The following TTLL10 variants were observed in gnomAD, a reference collection of about 807,000 sequenced individuals.
The protein encoded by TTLL10 is tubulin tyrosine ligase like 10.
TTLL10 carries 61 observed loss-of-function variants against 69.0 expected under a neutral mutation model. That is an observed-to-expected ratio of 0.88 (90% CI 0.72 to 1.09). The LOEUF (loss-of-function observed/expected upper bound fraction) is 1.09. TTLL10 is among the 50% of genes least tolerant of loss of function. The pLI is 0.00. For missense variants in TTLL10, 962 were observed against 945.9 expected, an observed-to-expected ratio of 1.02 and a Z score of -0.22; for synonymous variants, 408 against 393.3, an observed-to-expected ratio of 1.04 and a Z score of -0.44.
chr1:1,196,376 G>C (rs142225534), intron 13 of TTLL10: 5 of 535,876 alleles, frequency 9.3e-6, no homozygotes, highest in African/African-American at 3.8e-5. Context: ...CCTCACTCTC[G>C]TATCTCCAGT....
At chr1:1,193,342 A>C (rs1314456470) in intron 13 of TTLL10, among the ~76,000 whole-genome samples, 3 of 152,120 alleles carry the variant, frequency 2.0e-5, no homozygotes, top group Non-Finnish European at 4.4e-5. Context: ...AATAATAATA[A>C]TAATTACTGA....
chr1:1,182,905 G>T lies in TTLL10; in HGVS notation c.946G>T (p.Ala316Ser). Reference protein sequence around the residue: ...ETQIWICKPTASNQGKGIFLL... With the variant: ...ETQIWICKPTSSNQGKGIFLL... Reference sequence around the variant, plus strand: ...CCAGATATGGATCTGCAAGCCCACAGCCTCCAACCAGGGCAAAGGCATCTT... The same window carrying T: ...CCAGATATGGATCTGCAAGCCCACATCCTCCAACCAGGGCAAAGGCATCTT... The change falls in exon 11 of 16, where the codon GCC becomes TCC. Residue 316 changes from alanine (A) to serine (S), a missense_variant. Ala to Ser is a moderately conservative substitution (Grantham distance 99, BLOSUM62 1). Transcript: ENST00000379289. The T allele has an allele frequency of 6.3e-7, 1 of 1,593,620 alleles. No homozygotes were observed. The highest frequency in any genetic ancestry group is 1.7e-5 in the Admixed American group (1 of 57,674).
chr1:1,176,372 G>T, intron 3 of TTLL10: 1 of 455,658 alleles, frequency 2.2e-6, no homozygotes, highest in African/African-American at 2.0e-5. Context: ...GCTGGAGAGA[G>T]GCTGACGCTG....
rs752475115 is a variant in TTLL10 at position 1,180,037 on chromosome 1, C to T, written c.203C>T (p.Pro68Leu). 8.5e-6 allele frequency: 13 copies of T among 1,537,570 alleles called. No homozygotes were observed. The highest frequency in any genetic ancestry group is 4.6e-5 in the East Asian group (2 of 43,832). Residue 68 changes from proline (P) to leucine (L), a missense_variant, in exon 6 of 16, where the codon CCG (proline) becomes CTG (leucine). Physicochemically the swap from Pro to Leu is moderately conservative, Grantham distance 98 (BLOSUM62 -3). Transcript: ENST00000379289. ...CPAPGHCPVG[P>L]AHERPMGSSQ... ...TGGGACCCCACCCCGTTCACAGGCC[C>T]GGCCCACGAGAGGCCAATGGGGAGC...
At position 1,185,080 on chromosome 1, in the gene TTLL10, G is replaced by A. The variant is rs771759311; in HGVS notation, c.1372G>A (p.Ala458Thr). Residue 458 changes from alanine to threonine, a missense_variant, in exon 13 of 16, where the codon GCC becomes ACC. Ala to Thr is a moderately conservative substitution (Grantham distance 58). Transcript: ENST00000379289. The surrounding 1 kb of genome is among the most constrained non-coding windows in gnomAD (Gnocchi z 6.1). ...CACGTTCTGGAAGGCCCGGGGCCTC[G>A]CCAAGGACTGGGTCTTCACCACCCT... is the stretch of plus-strand genomic sequence containing the variant. ...SDTFWKARGL[A>T]KDWVFTTLKK... is the part of the protein sequence containing the mutation. 5.1e-5 allele frequency: 82 copies of A among 1,613,814 alleles called. No individual in the cohort carries two copies. The highest frequency in any genetic ancestry group is 8.3e-5 in the Admixed American group (5 of 59,970).
At chr1:1,184,195 G>A (rs879089675) in intron 12 of TTLL10, 104 bp downstream of exon 12, 1 of 1,513,622 alleles carries the variant, frequency 6.6e-7, no homozygotes, top group East Asian at 2.3e-5. Context: ...ACAGAAGGAG[G>A]TGGCCCAGGC....
chr1:1,183,823 G>T, intron 11 of TTLL10, 97 bp from the exon 12 acceptor site: 1 of 1,489,130 alleles, frequency 6.7e-7, no homozygotes, highest in Non-Finnish European at 9.2e-7. Context: ...GAGGCGGGGC[G>T]CTGAGGAAAT....
Position 1,197,094 on chromosome 1 carries a change from T to C in TTLL10, c.1520T>C (p.Val507Ala), listed in dbSNP as rs1391680682. Reference protein sequence around the residue: ...CDFLIDDNFKVWLLEMNSNPA... With the variant: ...CDFLIDDNFKAWLLEMNSNPA... ...GGGACTGACTGGCGTCTGGGGCAGG[T>C]ATGGCTGCTGGAGATGAATTCTAAC... is the stretch of plus-strand genomic sequence containing the variant. The change falls in exon 15 of 16, where the codon GTA (valine) becomes GCA (alanine). Residue 507 changes from valine (V) to alanine (A), a missense_variant and splice_region_variant. Val to Ala is a moderately conservative substitution (Grantham distance 64). Coordinates refer to ENST00000379289, the MANE Select transcript of TTLL10 (RefSeq NM_001130045.2). 5 of 1,550,970 alleles carry C rather than the reference T, an allele frequency of 3.2e-6. No homozygotes were observed. The highest frequency in any genetic ancestry group is 4.4e-6 in the Non-Finnish European group (5 of 1,146,746).
At chr1:1,177,215 T>C (rs1489633490) in intron 3 of TTLL10, among the ~76,000 whole-genome samples, 1 of 151,874 alleles carries the variant, frequency 6.6e-6, no homozygotes, top group African/African-American at 2.4e-5. Context: ...TCTGTGTGTG[T>C]AGGTGTGTCT....
At position 1,184,687 on chromosome 1, in the gene TTLL10, G is replaced by A. The variant is rs368352813; in HGVS notation, c.1261-282G>A. ...TAGGTTAGGGGGATGTTCTCTTGGGGACCCCCGTGAGGACAGGCCCTCCGG... is the reference window on the plus strand; with the variant it reads ...TAGGTTAGGGGGATGTTCTCTTGGGAACCCCCGTGAGGACAGGCCCTCCGG... On this transcript the variant is annotated intron_variant, in intron 12 of 15. Transcript: ENST00000379289. 8.6e-4 allele frequency among the ~76,000 whole-genome samples: 131 copies of A among 151,974 alleles called. No homozygotes were observed. In the South Asian group the frequency reaches 0.017, roughly 20 times the overall value.
In TTLL10 at chr1:1,179,679, G is replaced by A. The variant is rs944380375; in HGVS notation, c.141G>A (p.Leu47=). Residue 47 remains leucine (L), a synonymous_variant, in exon 5 of 16, where the codon CTG becomes CTA. Transcript: ENST00000379289. ...RVSGTIPASR[L]HPAPASQPGP... The stretch of plus-strand genomic sequence containing the variant: ...CAGGGACCATCCCTGCGTCACGTCT[G>A]CACCCAGCACCGGCCTCACAGCCCG... 2.6e-6 allele frequency: 4 copies of A among 1,550,976 alleles called. No individual in the cohort carries two copies. The South Asian group carries it at 3.6e-5, about 14-fold the overall frequency.
intron 4 of TTLL10, 91 bp downstream of exon 4, chr1:1,179,424 C>T (rs755176679): frequency 1.9e-5 from 26 of 1,346,486 alleles, no homozygotes; most frequent in Non-Finnish European, 2.5e-5. Flanking sequence ...GTCAGTCGGC[C>T]TCATGGGGCA....
intron 11 of TTLL10, among the ~76,000 whole-genome samples, chr1:1,183,500 A>C (rs911678743): frequency 1.3e-4 from 19 of 151,834 alleles, no homozygotes; most frequent in African/African-American, 4.4e-4. Flanking sequence ...GTAGAGCCTC[A>C]CTCTGACCAC....
rs149384043 is a variant in TTLL10, at chr1:1,178,774, C to G, written c.-27-415C>G. Among the ~76,000 whole-genome samples, 484 of 152,260 alleles carry G rather than the reference C, an allele frequency of 3.2e-3. 2 individuals are homozygous for G. The highest frequency in any genetic ancestry group is 0.011 in the African/African-American group (470 of 41,558). On this transcript the variant is annotated intron_variant, in intron 3 of 15. Transcript: ENST00000379289. ...ATGGCAGGTACCAGGCGGCTGCACA[C>G]AGCCCACAGCTGGGCTCCGGGGTCA... is the stretch of plus-strand genomic sequence containing the variant.
intron 13 of TTLL10, among the ~76,000 whole-genome samples, chr1:1,195,376 T>G (rs1432702586): frequency 6.6e-6 from 1 of 152,176 alleles, no homozygotes; most frequent in East Asian, 1.9e-4. Flanking sequence ...GCACTTCTAG[T>G]GCATGTTTTA....
rs531641529 is a variant in TTLL10 at position 1,196,734 on chromosome 1, G to A, written c.1518+18G>A. ...ACTTCAAGGTGCTGTCCTGGGCGGC[G>A]GGGGGCACAGTAGACAGATGCAAGG... On this transcript the variant is annotated intron_variant, in intron 14 of 15. Coordinates refer to ENST00000379289, the MANE Select transcript of TTLL10 (RefSeq NM_001130045.2). The A allele has an allele frequency of 1.2e-5, 18 of 1,499,286 alleles. No homozygotes were observed. The highest frequency in any genetic ancestry group is 4.9e-5 in the East Asian group (2 of 40,666). The allele number at this position is 1,499,286 out of a possible 1,614,324, so 92.9% of individuals were successfully genotyped here. A position where few individuals can be genotyped will look rare whatever the true frequency, so the allele number is the denominator to read the frequency against.
rs1291725575 is a variant in TTLL10, at chr1:1,179,243, C to T, written c.28C>T (p.His10Tyr). The change falls in exon 4 of 16, where the codon CAC (histidine) becomes TAC (tyrosine). Residue 10 changes from histidine (H) to tyrosine (Y), a missense_variant. Physicochemically the swap from His to Tyr is moderately conservative, Grantham distance 83. Transcript: ENST00000379289. MDHSCTRFI[H>Y]RRGPPTRTRA... Reference sequence around the variant, plus strand: ...GGACCACAGCTGCACCCGGTTCATCCACCGCCGGGGACCACCCACTCGGAC... The same window carrying T: ...GGACCACAGCTGCACCCGGTTCATCTACCGCCGGGGACCACCCACTCGGAC... 4.5e-6 allele frequency: 7 copies of T among 1,549,464 alleles called. No homozygotes were observed. In the South Asian group the frequency reaches 8.4e-5, roughly 18 times the overall value.
Position 1,197,481 on chromosome 1 carries a change from G to A in TTLL10, c.1656G>A (p.Lys552=). The A allele has an allele frequency of 1.3e-6, 2 of 1,545,818 alleles. No homozygotes were observed. Among genetic ancestry groups the A allele is most frequent in the African/African-American group, 1.4e-5 (1 of 72,874 alleles). ...TCCGGAAGAGCCTGCGCGGCCAGAA[G>A]ATGTTGCCTCTGCTGTCCCAGCGCC... is the stretch of plus-strand genomic sequence containing the variant. ...ETFRKSLRGQ[K]MLPLLSQRRF... is the part of the protein sequence containing the mutation. The change falls in exon 16 of 16, where the codon AAG becomes AAA. Residue 552 remains lysine, a synonymous_variant. Coordinates refer to ENST00000379289, the MANE Select transcript of TTLL10 (RefSeq NM_001130045.2).
Position 1,182,403 on chromosome 1 carries a change from G to A in TTLL10, c.873G>A (p.Leu291=). Reference sequence around the variant, plus strand: ...AGTTTTTCCCAGAGACCTACCGCCTGGACCTCAAACACGAGAGAGAGGCCT... The same window carrying A: ...AGTTTTTCCCAGAGACCTACCGCCTAGACCTCAAACACGAGAGAGAGGCCT... ...MEEFFPETYR[L]DLKHEREAFF... The change falls in exon 10 of 16, where the codon CTG becomes CTA. Residue 291 remains leucine, a synonymous_variant. Coordinates refer to ENST00000379289, the MANE Select transcript of TTLL10 (RefSeq NM_001130045.2). The A allele has an allele frequency of 1.2e-6, 2 of 1,613,988 alleles. No individual in the cohort carries two copies. Among genetic ancestry groups the A allele is most frequent in the South Asian group, 2.2e-5 (2 of 91,084 alleles).
Sources: allele counts gnomAD v4.1 joint callset (sites outside exome capture counted in the v4.1 genomes callset), GRCh38; gene constraint gnomAD v4.1.1; non-coding constraint Gnocchi (gnomAD v3.1); transcripts MANE v1.5; gene names NCBI Gene and HGNC (gene_info 2026-07-23, HGNC 2026-07-21).